PRKN: variants seen among roughly 807,000 people sequenced by gnomAD.
The protein encoded by PRKN is E3 ubiquitin-protein ligase parkin.
PRKN carries 56 observed loss-of-function variants against 59.5 expected under a neutral mutation model. The observed-to-expected ratio is 0.94, with a 90% confidence interval of 0.76 to 1.18. The LOEUF is 1.18. PRKN is among the 50% of genes most tolerant of loss of function. The pLI, the probability that PRKN is intolerant of heterozygous loss-of-function variation, is 0.00. For missense variants in PRKN, 657 were observed against 596.4 expected (o/e 1.10, Z -1.06); for synonymous variants, 250 against 222.1 (o/e 1.13, Z -1.12).
At chr6:162,450,534 A>C (rs1790574834) in intron 1 of PRKN, among the ~76,000 whole-genome samples, 1 of 152,208 alleles carries the variant, frequency 6.6e-6, no homozygotes, top group South Asian at 2.1e-4. Context: ...CAACATCAAC[A>C]GTGGTAAGTC....
intron 7 of PRKN, among the ~76,000 whole-genome samples, chr6:161,628,781 G>A (rs539353775): frequency 3.9e-5 from 6 of 152,244 alleles, no homozygotes; most frequent in African/African-American, 1.2e-4. Flanking sequence ...ACAGAATCGC[G>A]CAGGGCTACA....
rs1482909332 is a variant in PRKN, at chr6:162,292,387, G to A, written c.172-29622C>T. On this transcript the variant is annotated intron_variant, in intron 2 of 11. Coordinates refer to ENST00000366898, the MANE Select transcript of PRKN (RefSeq NM_004562.3). ...TATATTACCTGATATATTTTCTTTT[G>A]TCATTACCCTTTTGTACCCTGTAGC... is the stretch of plus-strand genomic sequence containing the variant. Among the ~76,000 whole-genome samples, 5 of 151,958 alleles carry A rather than the reference G, an allele frequency of 3.3e-5. No individual in the cohort carries two copies. The East Asian group carries it at 5.8e-4, about 18-fold the overall frequency.
At chr6:162,244,590 T>A (rs1779123514) in intron 3 of PRKN, among the ~76,000 whole-genome samples, 1 of 152,038 alleles carries the variant, frequency 6.6e-6, no homozygotes, top group South Asian at 2.1e-4. Context: ...TCACGCCAAA[T>A]GAACAGGCCA....
chr6:162,523,950 A>AAGC (rs1394233071), intron 1 of PRKN, among the ~76,000 whole-genome samples: 1 of 152,156 alleles, frequency 6.6e-6, no homozygotes, highest in African/African-American at 2.4e-5. Context: ...GAATAAGCAC[A>AAGC]ACGGCTAGAT....
At chr6:161,889,038 T>C (rs1277309313) in intron 6 of PRKN, among the ~76,000 whole-genome samples, 3 of 152,072 alleles carry the variant, frequency 2.0e-5, no homozygotes, top group Non-Finnish European at 4.4e-5. Context: ...AACCTAAACT[T>C]CAAGTTTATT....
chr6:161,815,450 G>C (rs1193141250), intron 6 of PRKN, among the ~76,000 whole-genome samples: 1 of 152,184 alleles, frequency 6.6e-6, no homozygotes, highest in East Asian at 1.9e-4. Flanking sequence ...GGTTAACGCA[G>C]ATCCTAATAT....
At chr6:162,580,745 G>A (rs1315838586) in intron 1 of PRKN, among the ~76,000 whole-genome samples, 1 of 152,168 alleles carries the variant, frequency 6.6e-6, no homozygotes, top group African/African-American at 2.4e-5. Context: ...CTGTTTATAT[G>A]TGGAAGCACA....
chr6:162,101,239 T>C (rs1204660174), intron 4 of PRKN, among the ~76,000 whole-genome samples: 1 of 151,870 alleles, frequency 6.6e-6, no homozygotes, highest in East Asian at 2.0e-4. Flanking sequence ...TAATCCACTT[T>C]GGGTTGATTT....
chr6:162,102,173 C>G (rs1779997902), intron 4 of PRKN, among the ~76,000 whole-genome samples: 1 of 152,140 alleles, frequency 6.6e-6, no homozygotes, highest in Non-Finnish European at 1.5e-5. Flanking sequence ...TTATTATTCC[C>G]AATACTCTCC....
intron 1 of PRKN, among the ~76,000 whole-genome samples, chr6:162,514,374 T>C (rs555267999): frequency 2.6e-5 from 4 of 152,176 alleles, no homozygotes; most frequent in Non-Finnish European, 5.9e-5. Flanking sequence ...AGGGCAGTTG[T>C]GGGGAAAGGT....
chr6:162,549,200 AG>A (rs1779237312), intron 1 of PRKN, among the ~76,000 whole-genome samples: 2 of 152,238 alleles, frequency 1.3e-5, no homozygotes, highest in African/African-American at 2.4e-5. Context: ...TCTTCAACCC[AG>A]AAGACGGCCC....
In PRKN at chr6:161,410,927, A is replaced by G. The variant is rs940164089; in HGVS notation, c.1084-24050T>C. On this transcript the variant is annotated intron_variant, in intron 9 of 11. Transcript: ENST00000366898. This position sits in a 1 kb window ranked among gnomAD's most constrained non-coding sequence, Gnocchi z 5.3. Reference sequence around the variant, plus strand: ...TCGATGGTTTGATCATGTTTACAAAATCTGGCTAAACAGGAAGTTTCATCC... The same window carrying G: ...TCGATGGTTTGATCATGTTTACAAAGTCTGGCTAAACAGGAAGTTTCATCC... Among the ~76,000 whole-genome samples the G allele has an allele frequency of 6.6e-6, 1 of 152,192 alleles. No homozygotes were observed. The highest frequency in any genetic ancestry group is 1.5e-5 in the Non-Finnish European group (1 of 68,032).
At chr6:161,924,080 C>CT (rs1381085324) in intron 6 of PRKN, among the ~76,000 whole-genome samples, 11 of 152,174 alleles carry the variant, frequency 7.2e-5, no homozygotes, top group African/African-American at 2.4e-4. Flanking sequence ...CTCTCTGGGG[C>CT]TCAGATTCCT....
At chr6:161,746,672 C>A (rs1379596739) in intron 7 of PRKN, among the ~76,000 whole-genome samples, 5 of 141,472 alleles carry the variant, frequency 3.5e-5, no homozygotes, top group African/African-American at 1.0e-4. Flanking sequence ...ATATGTATAT[C>A]TATAGATATA....
chr6:162,692,179 A>T lies in PRKN; in HGVS notation c.7+35483T>A, dbSNP rs942559600. 2.9e-3 allele frequency among the ~76,000 whole-genome samples: 22 copies of T among 7,680 alleles called. No individual in the cohort carries two copies. The South Asian group carries it at 0.03, about 10-fold the overall frequency. The allele number at this position is 7,680 out of a possible 152,430, so 5.0% of individuals were successfully genotyped here. ...ATAAAAAAAAAAGATTAGAAAATTA[A>T]AAAAAAAAAAAATCATGGTTGTCCA... is the stretch of plus-strand genomic sequence containing the variant. On this transcript the variant is annotated intron_variant, in intron 1 of 11. Transcript: ENST00000366898.
chr6:161,704,685 G>T (rs550049563), intron 7 of PRKN, among the ~76,000 whole-genome samples: 8 of 152,236 alleles, frequency 5.3e-5, no homozygotes, highest in South Asian at 2.1e-4. Context: ...ACCACACCAA[G>T]CCCAAAAGTG....
chr6:162,136,116 A>G (rs1290623140), intron 4 of PRKN, among the ~76,000 whole-genome samples: 1 of 149,364 alleles, frequency 6.7e-6, no homozygotes, highest in Non-Finnish European at 1.5e-5. Flanking sequence ...ATATAAATAT[A>G]TATAAATAAA....
intron 4 of PRKN, among the ~76,000 whole-genome samples, chr6:162,199,618 G>A (rs986033165): frequency 5.3e-5 from 8 of 152,136 alleles, no homozygotes; most frequent in African/African-American, 1.9e-4. Context: ...ACCCCTCTTG[G>A]GGACATTGGG....
intron 3 of PRKN, among the ~76,000 whole-genome samples, chr6:162,206,718 G>T (rs1327592158): frequency 1.3e-5 from 2 of 152,188 alleles, no homozygotes; most frequent in Admixed American, 6.5e-5. Context: ...GATCTGGTCA[G>T]AAGTAACAGC....
Sources: allele counts gnomAD v4.1 joint callset (sites outside exome capture counted in the v4.1 genomes callset), GRCh38; gene constraint gnomAD v4.1.1; non-coding constraint Gnocchi (gnomAD v3.1); transcripts MANE v1.5; gene names NCBI Gene and HGNC (gene_info 2026-07-23, HGNC 2026-07-21).